Variants in PRKCH observed in about 807,000 individuals in gnomAD.
PRKCH encodes the protein protein kinase C eta type.
In PRKCH, 28 loss-of-function variants were observed where a neutral mutation model predicts 82.5. The ratio of observed to expected loss-of-function variants is 0.34; its 90% CI spans 0.25 to 0.47. The LOEUF (loss-of-function observed/expected upper bound fraction) is 0.47, where lower values mean the gene tolerates loss of function less well. PRKCH is among the 20% of genes least tolerant of loss of function. The pLI, the probability that PRKCH is intolerant of heterozygous loss-of-function variation, is 1.00. For missense variants in PRKCH, 705 were observed against 881.8 expected (o/e 0.80, Z 2.54); for synonymous variants, 322 against 327.4 (o/e 0.98, Z 0.18).
At chr14:61,462,918 C>G (rs1351387475) in intron 9 of PRKCH, among the ~76,000 whole-genome samples, 1 of 152,204 alleles carries the variant, frequency 6.6e-6, no homozygotes, top group Non-Finnish European at 1.5e-5. Context: ...GTGGCAGAGA[C>G]AAAGTTCAAG....
At chr14:61,462,019 T>A (rs555292619) in intron 9 of PRKCH, among the ~76,000 whole-genome samples, 1 of 152,234 alleles carries the variant, frequency 6.6e-6, no homozygotes, top group East Asian at 1.9e-4. Flanking sequence ...CGGTTTAAGA[T>A]GTGTGTGTTG....
At chr14:61,397,874 C>T (rs1468085427) in intron 2 of PRKCH, among the ~76,000 whole-genome samples, 2 of 152,182 alleles carry the variant, frequency 1.3e-5, no homozygotes, top group African/African-American at 4.8e-5. Context: ...GATGAACCTA[C>T]TCAAAACCTG....
chr14:61,205,600 A>G (rs1199853983), intron 1 of PRKCH, among the ~76,000 whole-genome samples: 1 of 152,126 alleles, frequency 6.6e-6, no homozygotes, highest in Non-Finnish European at 1.5e-5. Flanking sequence ...CCGTGCTGAC[A>G]GCTTCCCACC....
chr14:61,268,134 A>G (rs1305692557), intron 1 of PRKCH, among the ~76,000 whole-genome samples: 13 of 152,192 alleles, frequency 8.5e-5, no homozygotes, highest in Non-Finnish European at 5.9e-5. Flanking sequence ...CAAATATGAC[A>G]GTACTGCACA....
intron 10 of PRKCH, among the ~76,000 whole-genome samples, chr14:61,508,201 T>C (rs1261722936): frequency 1.3e-5 from 2 of 152,148 alleles, no homozygotes; most frequent in East Asian, 3.8e-4. Flanking sequence ...ATTTCCTTGA[T>C]TTAAAAAAAC....
chr14:61,365,053 G>A (rs934631235), intron 1 of PRKCH, among the ~76,000 whole-genome samples: 5 of 152,044 alleles, frequency 3.3e-5, no homozygotes, highest in East Asian at 1.9e-4. Flanking sequence ...TGGCCTGGAA[G>A]TGAAGGCCAG....
chr14:61,362,088 A>T (rs1038552773), intron 1 of PRKCH, among the ~76,000 whole-genome samples: 1 of 152,200 alleles, frequency 6.6e-6, no homozygotes, highest in Non-Finnish European at 1.5e-5. Flanking sequence ...TGTAATCCAA[A>T]CACTTCGGGA....
At chr14:61,235,990 G>C (rs1039992363) in intron 1 of PRKCH, among the ~76,000 whole-genome samples, 3 of 152,218 alleles carry the variant, frequency 2.0e-5, no homozygotes, top group African/African-American at 7.2e-5. Flanking sequence ...GCAGGGGTCA[G>C]ACTTGCCTTG....
In PRKCH at chr14:61,380,513, C is replaced by G. The variant is rs186093624; in HGVS notation, c.364-10712C>G. On this transcript the variant is annotated intron_variant, in intron 1 of 13. Transcript: ENST00000332981. The stretch of plus-strand genomic sequence containing the variant: ...GAGAACTCACCCCACTCCTTTTGGT[C>G]CATTAGGAGCACCAGAAGCTTTGGA... Among the ~76,000 whole-genome samples, 102 of 152,266 alleles carry G rather than the reference C, an allele frequency of 6.7e-4. 2 individuals are homozygous for G. The East Asian group carries it at 7.7e-3, about 12-fold the overall frequency.
At chr14:61,434,828 C>T (rs1330557516) in intron 2 of PRKCH, among the ~76,000 whole-genome samples, 2 of 152,116 alleles carry the variant, frequency 1.3e-5, no homozygotes, top group African/African-American at 4.8e-5. Context: ...TGAGACCAGC[C>T]AGGGCAACAC....
chr14:61,340,442 C>T (rs1213044666), intron 1 of PRKCH, among the ~76,000 whole-genome samples: 4 of 152,108 alleles, frequency 2.6e-5, no homozygotes, highest in African/African-American at 9.7e-5. Flanking sequence ...TGTCATGGCG[C>T]ATGGTCTCGT....
At chr14:61,368,463 G>A (rs2046326596) in intron 1 of PRKCH, among the ~76,000 whole-genome samples, 2 of 152,064 alleles carry the variant, frequency 1.3e-5, no homozygotes, top group African/African-American at 4.8e-5. Context: ...CCTGACACAA[G>A]GAGACTCCTC....
In PRKCH at chr14:61,334,618, G is replaced by A. The variant is rs572566723; in HGVS notation, c.363+12154G>A. Reference sequence around the variant, plus strand: ...TTGGCAGGTGGAAAAACAGTGGAGGGTGGCAGAAAGAGAGTCGGCTTGGTG... The same window carrying A: ...TTGGCAGGTGGAAAAACAGTGGAGGATGGCAGAAAGAGAGTCGGCTTGGTG... On this transcript the variant is annotated intron_variant, in intron 1 of 13. Transcript: ENST00000332981. Among the ~76,000 whole-genome samples, 4 of 152,262 alleles carry A rather than the reference G, an allele frequency of 2.6e-5. No homozygotes were observed. The East Asian group carries it at 7.7e-4, about 29-fold the overall frequency.
At chr14:61,379,426 C>A (rs566747937) in intron 1 of PRKCH, among the ~76,000 whole-genome samples, 117 of 152,336 alleles carry the variant, frequency 7.7e-4, no homozygotes, top group African/African-American at 2.7e-3. Context: ...GCAGACTGAG[C>A]AATGAATAAT....
intron 9 of PRKCH, among the ~76,000 whole-genome samples, chr14:61,471,752 A>T (rs1167800163): frequency 6.6e-6 from 1 of 151,812 alleles, no homozygotes; most frequent in Non-Finnish European, 1.5e-5. Context: ...TTCATTGTGG[A>T]TGTTTAGCAG....
intron 1 of PRKCH, among the ~76,000 whole-genome samples, chr14:61,327,435 G>A (rs1242697082): frequency 6.6e-6 from 1 of 152,162 alleles, no homozygotes; most frequent in Admixed American, 6.5e-5. Flanking sequence ...GTGTTTAAGA[G>A]GAAAAATATA....
At chr14:61,450,720 A>T in intron 5 of PRKCH, 122 bp from the exon 6 acceptor site, 4 of 1,197,506 alleles carry the variant, frequency 3.3e-6, no homozygotes, top group Non-Finnish European at 4.6e-6. Context: ...AGTACAGTAA[A>T]ATAATATACC....
chr14:61,331,540 AC>A (rs2045788648), intron 1 of PRKCH, among the ~76,000 whole-genome samples: 2 of 152,044 alleles, frequency 1.3e-5, no homozygotes, highest in African/African-American at 4.8e-5. Flanking sequence ...AACAACAACA[AC>A]AACAAAAAAA....
At chr14:61,402,059 T>C (rs757477967) in intron 2 of PRKCH, among the ~76,000 whole-genome samples, 1 of 152,254 alleles carries the variant, frequency 6.6e-6, no homozygotes, top group Non-Finnish European at 1.5e-5. Flanking sequence ...TCCACCATTG[T>C]GAGCTTGACA....
Sources: gnomAD v4.1 joint callset for allele counts (sites outside exome capture counted in the v4.1 genomes callset) on GRCh38, gnomAD v4.1.1 for gene constraint, MANE v1.5 for transcripts, NCBI Gene and HGNC (gene_info 2026-07-23, HGNC 2026-07-21) for gene names.